The following LRMDA variants were observed in gnomAD, a reference collection of about 807,000 sequenced individuals.
LRMDA encodes leucine rich melanocyte differentiation associated.
A neutral mutation model predicts 29.8 loss-of-function variants in LRMDA; 18 were observed. That is an observed-to-expected ratio of 0.60 (90% CI 0.42 to 0.90). The LOEUF (loss-of-function observed/expected upper bound fraction) is 0.90. Among genes scored for constraint, LRMDA ranks in the 40% least tolerant of loss-of-function variants. The pLI is 0.00. For missense variants in LRMDA, 273 were observed against 273.9 expected (o/e 1.00, Z 0.02); for synonymous variants, 125 against 109.4 (o/e 1.14, Z -0.89).
chr10:76,035,966 T>C (rs759503101), intron 2 of LRMDA, 42 bp from the exon 3 acceptor site: 3 of 1,605,188 alleles, frequency 1.9e-6, no homozygotes. Flanking sequence ...GCCTCCCTGA[T>C]TTAGTGCAGG....
At chr10:75,818,598 C>G (rs1844100522) in intron 2 of LRMDA, among the ~76,000 whole-genome samples, 4 of 152,246 alleles carry the variant, frequency 2.6e-5, no homozygotes, top group Admixed American at 1.3e-4. Context: ...GCCCTACCTT[C>G]AACATCCCTG....
In LRMDA at chr10:75,944,242, G is replaced by A. The variant is rs899653218; in HGVS notation, c.132-91766G>A. ...TACAGAGGCCATTCCATCATCTCTGGCCTCCATTGTTTCTTATGGGAAGTC... is the reference window on the plus strand; with the variant it reads ...TACAGAGGCCATTCCATCATCTCTGACCTCCATTGTTTCTTATGGGAAGTC... On this transcript the variant is annotated intron_variant, in intron 2 of 6. Transcript: ENST00000611255. Among the ~76,000 whole-genome samples, 5 of 151,930 alleles carry A rather than the reference G, an allele frequency of 3.3e-5. No homozygotes were observed. The East Asian group carries it at 7.7e-4, about 23-fold the overall frequency.
chr10:75,449,846 G>A (rs1421390696), intron 2 of LRMDA, among the ~76,000 whole-genome samples: 1 of 152,154 alleles, frequency 6.6e-6, no homozygotes, highest in Non-Finnish European at 1.5e-5. Flanking sequence ...TGTGGTGCCA[G>A]CCTTGGGACT....
intron 5 of LRMDA, among the ~76,000 whole-genome samples, chr10:76,072,170 T>C (rs921494188): frequency 1.3e-5 from 2 of 152,186 alleles, no homozygotes; most frequent in Non-Finnish European, 2.9e-5. Flanking sequence ...GACAACTAAT[T>C]ATAGCCCCTG....
chr10:76,428,831 G>A (rs531202180), intron 6 of LRMDA, among the ~76,000 whole-genome samples: 1 of 152,260 alleles, frequency 6.6e-6, no homozygotes, highest in South Asian at 2.1e-4. Flanking sequence ...GGCTCTGCCA[G>A]GCAAAGCAAG....
intron 2 of LRMDA, among the ~76,000 whole-genome samples, chr10:75,474,651 CA>C (rs1440221061): frequency 6.6e-6 from 1 of 152,214 alleles, no homozygotes; most frequent in Non-Finnish European, 1.5e-5. Context: ...GACTTTGGTA[CA>C]AGGCAGTTTG....
At position 76,540,455 on chromosome 10, in the gene LRMDA, G is replaced by A. The variant is rs140097382; in HGVS notation, c.602-16754G>A. ...AAAAGATTTAATAACATTTACATCT[G>A]TGTATCAGCCATGTCTGTAATGCGA... On this transcript the variant is annotated intron_variant, in intron 6 of 6. Coordinates refer to ENST00000611255, the MANE Select transcript of LRMDA (RefSeq NM_001305581.2). Among the ~76,000 whole-genome samples, 1,147 of 152,276 alleles carry A rather than the reference G, an allele frequency of 7.5e-3. 11 individuals carry two copies. The highest frequency in any genetic ancestry group is 0.026 in the African/African-American group (1,073 of 41,550).
intron 2 of LRMDA, among the ~76,000 whole-genome samples, chr10:75,745,784 G>A (rs1338370649): frequency 6.6e-6 from 1 of 152,102 alleles, no homozygotes; most frequent in Non-Finnish European, 1.5e-5. Context: ...TGTCTCCTTC[G>A]TTTCTGCCGG....
At chr10:75,825,362 C>G (rs1844230909) in intron 2 of LRMDA, among the ~76,000 whole-genome samples, 1 of 152,188 alleles carries the variant, frequency 6.6e-6, no homozygotes, top group Non-Finnish European at 1.5e-5. Flanking sequence ...TTACAGTATT[C>G]AGAATGAATT....
chr10:75,803,901 C>T lies in LRMDA; in HGVS notation c.132-232107C>T, dbSNP rs1177948360. The stretch of plus-strand genomic sequence containing the variant: ...CCTGCAGCACAATCACTCTGCCTCC[C>T]GCTCCGTCCTGGTCTGCCATCTGCT... On this transcript the variant is annotated intron_variant, in intron 2 of 6. Coordinates refer to ENST00000611255, the MANE Select transcript of LRMDA (RefSeq NM_001305581.2). Among the ~76,000 whole-genome samples, 6 of 152,326 alleles carry T rather than the reference C, an allele frequency of 3.9e-5. No individual in the cohort carries two copies. The East Asian group carries it at 7.7e-4, about 20-fold the overall frequency.
chr10:75,696,567 G>A (rs1842237535), intron 2 of LRMDA, among the ~76,000 whole-genome samples: 1 of 152,208 alleles, frequency 6.6e-6, no homozygotes, highest in South Asian at 2.1e-4. Flanking sequence ...AGCTTTAGCG[G>A]TACATGATTG....
At position 76,503,106 on chromosome 10, in the gene LRMDA, G is replaced by C. The variant is rs116492177; in HGVS notation, c.602-54103G>C. Among the ~76,000 whole-genome samples the C allele has an allele frequency of 5.2e-3, 783 of 151,914 alleles. 10 individuals carry two copies. Among genetic ancestry groups the C allele is most frequent in the African/African-American group, 0.018 (750 of 41,474 alleles). ...TCTGTTGAGTGTTTTTATCATGAAGGGATGTTGGATTTTATCTAAAGCTTT... is the reference window on the plus strand; with the variant it reads ...TCTGTTGAGTGTTTTTATCATGAAGCGATGTTGGATTTTATCTAAAGCTTT... On this transcript the variant is annotated intron_variant, in intron 6 of 6. Transcript: ENST00000611255.
At chr10:76,167,138 A>G (rs1850755265) in intron 5 of LRMDA, among the ~76,000 whole-genome samples, 1 of 151,782 alleles carries the variant, frequency 6.6e-6, no homozygotes, top group African/African-American at 2.4e-5. Flanking sequence ...TTTCTTGCCC[A>G]CTTTTTGATA....
intron 2 of LRMDA, among the ~76,000 whole-genome samples, chr10:75,562,016 G>T (rs1454328365): frequency 6.6e-6 from 1 of 151,986 alleles, no homozygotes; most frequent in African/African-American, 2.4e-5. Flanking sequence ...TGTTGATTTG[G>T]GGTGGAGAGT....
intron 2 of LRMDA, among the ~76,000 whole-genome samples, chr10:75,979,617 G>T (rs556725230): frequency 6.6e-6 from 1 of 152,124 alleles, no homozygotes; most frequent in African/African-American, 2.4e-5. Flanking sequence ...GCTGATAAAC[G>T]CATCTTGTTT....
At chr10:76,297,077 G>A (rs1194780432) in intron 5 of LRMDA, among the ~76,000 whole-genome samples, 1 of 152,204 alleles carries the variant, frequency 6.6e-6, no homozygotes, top group African/African-American at 2.4e-5. Context: ...TTGATTCACT[G>A]CCTGTGAAAT....
intron 2 of LRMDA, among the ~76,000 whole-genome samples, chr10:75,498,346 C>T (rs1008046492): frequency 6.6e-6 from 1 of 152,188 alleles, no homozygotes; most frequent in Non-Finnish European, 1.5e-5. Context: ...TAGATACCCA[C>T]AGTCACTTGT....
chr10:75,595,464 A>G (rs2132087261), intron 2 of LRMDA, among the ~76,000 whole-genome samples: 1 of 151,864 alleles, frequency 6.6e-6, no homozygotes, highest in African/African-American at 2.4e-5. Context: ...ACTGACAGCT[A>G]TGTTTTGGGC....
intron 5 of LRMDA, among the ~76,000 whole-genome samples, chr10:76,266,332 A>G (rs1249567025): frequency 6.6e-6 from 1 of 152,160 alleles, no homozygotes; most frequent in Non-Finnish European, 1.5e-5. Flanking sequence ...TCTCCATAGA[A>G]TACTCCTTTG....
Sources: gnomAD v4.1 joint callset for allele counts (sites outside exome capture counted in the v4.1 genomes callset) on GRCh38, gnomAD v4.1.1 for gene constraint, MANE v1.5 for transcripts, NCBI Gene and HGNC (gene_info 2026-07-23, HGNC 2026-07-21) for gene names.